Variants in CD84 observed in about 807,000 individuals in gnomAD.
The protein encoded by CD84 is SLAM family member 5.
Under a neutral mutation model 33.8 loss-of-function variants are expected in CD84, and 22 were observed. The ratio of observed to expected loss-of-function variants is 0.65; its 90% confidence interval spans 0.46 to 0.93. CD84 has a LOEUF of 0.93. Among genes scored for constraint, CD84 ranks in the 40% least tolerant of loss-of-function variants. CD84 has a pLI of 0.00. For missense variants in CD84, 400 were observed against 397.6 expected (o/e 1.01, Z -0.05); for synonymous variants, 154 against 145.2 (o/e 1.06, Z -0.44).
chr1:160,553,809 C>G, intron 3 of CD84, 86 bp downstream of exon 3: 1 of 1,594,716 alleles, frequency 6.3e-7, no homozygotes, highest in South Asian at 1.1e-5. Context: ...GCACATCTCC[C>G]TAGAGAATGT....
In CD84 at chr1:160,544,078, C is replaced by T. The variant is rs186039356; in HGVS notation, c.*4178G>A. 4.0e-4 allele frequency: 61 copies of T among 151,952 alleles called. No homozygotes were observed. The highest frequency in any genetic ancestry group is 3.4e-3 in the Middle Eastern group (1 of 292). 9.4% of individuals were successfully genotyped at this position (151,952 alleles called of 1,614,324 possible). ...AGAAACCAGGATGCAGACCCAGGCA[C>T]TCTACTGTCAGAGCCCACATTTATG... On this transcript the variant is annotated 3_prime_UTR_variant, in exon 7 of 7. Transcript: ENST00000368054.
Position 160,547,423 on chromosome 1 carries a change from G to A in CD84, c.*833C>T. The stretch of plus-strand genomic sequence containing the variant: ...GTGATACAGAAGGAAATCTTGGCCA[G>A]AAAGAAAATCCTATAAGGCTTCTGA... On this transcript the variant is annotated 3_prime_UTR_variant, in exon 7 of 7. Coordinates refer to ENST00000368054, the MANE Select transcript of CD84 (RefSeq NM_003874.4). 1 of 384,206 alleles carries A rather than the reference G, an allele frequency of 2.6e-6. No homozygotes were observed. Among genetic ancestry groups the A allele is most frequent in the Non-Finnish European group, 4.6e-6 (1 of 217,610 alleles). 23.8% of individuals were successfully genotyped at this position (384,206 alleles called of 1,614,324 possible).
At position 160,543,857 on chromosome 1, in the gene CD84, G is replaced by A. The variant is rs931625405; in HGVS notation, c.*4399C>T. The stretch of plus-strand genomic sequence containing the variant: ...TCATGAATTTAGATTAGCATCTTCT[G>A]AAGATTTCAGGCCTAGAACAGCTTA... On this transcript the variant is annotated 3_prime_UTR_variant, in exon 7 of 7. Coordinates refer to ENST00000368054, the MANE Select transcript of CD84 (RefSeq NM_003874.4). The A allele has an allele frequency of 4.6e-5, 7 of 152,086 alleles. No homozygotes were observed. Among genetic ancestry groups the A allele is most frequent in the Non-Finnish European group, 4.4e-5 (3 of 68,020 alleles). 9.4% of individuals were successfully genotyped at this position (152,086 alleles called of 1,614,324 possible). A position where few individuals can be genotyped will look rare whatever the true frequency, so the allele number is the denominator to read the frequency against.
At chr1:160,574,891 C>T (rs1657902844) in intron 1 of CD84, among the ~76,000 whole-genome samples, 1 of 152,056 alleles carries the variant, frequency 6.6e-6, no homozygotes, top group East Asian at 1.9e-4. Flanking sequence ...ATATACTAGG[C>T]ACTATATATG....
chr1:160,578,330 C>T (rs987832305), intron 1 of CD84, among the ~76,000 whole-genome samples: 2 of 152,170 alleles, frequency 1.3e-5, no homozygotes, highest in South Asian at 2.1e-4. Context: ...TACCATTCCT[C>T]ATCTACTTGC....
In CD84 at chr1:160,565,666, A is replaced by G; in HGVS notation, c.126T>C (p.Asn42=). Residue 42 remains asparagine, a synonymous_variant, in exon 2 of 7, where the codon AAT becomes AAC. Coordinates refer to ENST00000368054, the MANE Select transcript of CD84 (RefSeq NM_003874.4). Reference sequence around the variant, plus strand: ...TTTTAACTTGCCGTGGTTCTTGGATATTTACAGGGAAAGTGACTGACTCTC... The same window carrying G: ...TTTTAACTTGCCGTGGTTCTTGGATGTTTACAGGGAAAGTGACTGACTCTC... ...ILGESVTFPV[N]IQEPRQVKII... is the part of the protein sequence containing the mutation. 5 of 1,613,842 alleles carry G rather than the reference A, an allele frequency of 3.1e-6. No homozygotes were observed. Among genetic ancestry groups the G allele is most frequent in the Non-Finnish European group, 4.2e-6 (5 of 1,179,868 alleles).
At chr1:160,550,915 G>A (rs944541597) in intron 5 of CD84, 23 bp downstream of exon 5, 11 of 1,609,022 alleles carry the variant, frequency 6.8e-6, no homozygotes, top group Non-Finnish European at 9.4e-6. Context: ...GCACAGGGGT[G>A]TCCATGAATT....
chr1:160,550,793 C>G, intron 5 of CD84, 145 bp downstream of exon 5: 1 of 1,512,176 alleles, frequency 6.6e-7, no homozygotes, highest in Non-Finnish European at 8.8e-7. Context: ...GCATCACTTC[C>G]CTGACATGGT....
chr1:160,577,775 G>C (rs1052239198), intron 1 of CD84, among the ~76,000 whole-genome samples: 1 of 152,096 alleles, frequency 6.6e-6, no homozygotes, highest in Non-Finnish European at 1.5e-5. Context: ...TCATCATTTT[G>C]ATTCTCAAAA....
chr1:160,562,510 C>T (rs1657048393), intron 2 of CD84, among the ~76,000 whole-genome samples: 1 of 152,148 alleles, frequency 6.6e-6, no homozygotes. Context: ...GGAGAACTGG[C>T]TAGCCACATG....
rs547247275 is a variant in CD84, at chr1:160,550,653, C to T, written c.858+285G>A. The T allele has an allele frequency of 1.1e-3, 1,058 of 985,254 alleles. 1 individual carries two copies. The highest frequency in any genetic ancestry group is 1.2e-3 in the Non-Finnish European group (1,010 of 829,934). 61.0% of individuals were successfully genotyped at this position (985,254 alleles called of 1,614,324 possible). ...TCTGTTGTGTGGCCCCTCTAGGGGG[C>T]GCCTTGCTCCTAGTCATGGCTCATC... On this transcript the variant is annotated intron_variant, in intron 5 of 6. Transcript: ENST00000368054.
chr1:160,573,715 T>C (rs191030978), intron 1 of CD84, among the ~76,000 whole-genome samples: 71 of 152,300 alleles, frequency 4.7e-4, no homozygotes, highest in Non-Finnish European at 7.2e-4. Flanking sequence ...ACTGCAGTTA[T>C]CACCACTAAA....
intron 1 of CD84, 144 bp from the exon 2 acceptor site, chr1:160,565,889 A>T (rs1199131295): frequency 8.4e-5 from 52 of 619,998 alleles, no homozygotes; most frequent in Non-Finnish European, 1.3e-4. Flanking sequence ...TTTTTTTGGC[A>T]TTCTACTCTA....
chr1:160,568,372 G>C (rs940587096), intron 1 of CD84, among the ~76,000 whole-genome samples: 2 of 152,084 alleles, frequency 1.3e-5, no homozygotes, highest in Non-Finnish European at 2.9e-5. Context: ...AGGCAAAGCT[G>C]GGGGAAGCTG....
intron 1 of CD84, among the ~76,000 whole-genome samples, chr1:160,569,819 T>C (rs770029618): frequency 2.0e-5 from 3 of 152,120 alleles, no homozygotes; most frequent in Non-Finnish European, 4.4e-5. Flanking sequence ...GTGATGTTAA[T>C]TGGATGAATA....
chr1:160,554,336 T>C (rs1656460611), intron 2 of CD84, among the ~76,000 whole-genome samples, 190 bp from the exon 3 acceptor site: 1 of 152,244 alleles, frequency 6.6e-6, no homozygotes, highest in Non-Finnish European at 1.5e-5. Flanking sequence ...TAATCCTTTT[T>C]TTGACATTTT....
rs1557960435 is a variant in CD84 at position 160,541,566 on chromosome 1, AG to A, written c.*6689del. On this transcript the variant is annotated 3_prime_UTR_variant, in exon 7 of 7. Coordinates refer to ENST00000368054, the MANE Select transcript of CD84 (RefSeq NM_003874.4). ...GGCAATATATTTCGCTTTGGACGGG[AG>A]GTTTTAGAAGGCCGCACAAGAGGGA... The A allele has an allele frequency of 6.6e-6, 1 of 152,118 alleles. No individual in the cohort carries two copies. Among genetic ancestry groups the A allele is most frequent in the Non-Finnish European group, 1.5e-5 (1 of 68,034 alleles). 9.4% of individuals were successfully genotyped at this position (152,118 alleles called of 1,614,324 possible).
intron 2 of CD84, among the ~76,000 whole-genome samples, chr1:160,563,506 GAAC>G (rs1470101853): frequency 1.3e-5 from 2 of 152,058 alleles, no homozygotes; most frequent in Admixed American, 6.6e-5. Context: ...ACAGAAAACC[GAAC>G]ACCACATGTT....
In CD84 at chr1:160,565,806, C is replaced by A. The variant is rs3796501; in HGVS notation, c.47-61G>T. 9.2e-4 allele frequency: 1,307 copies of A among 1,413,944 alleles called. 28 individuals are homozygous for A. The East Asian group carries it at 0.029, about 32-fold the overall frequency. 87.6% of individuals were successfully genotyped at this position (1,413,944 alleles called of 1,614,324 possible). On this transcript the variant is annotated intron_variant, in intron 1 of 6. Transcript: ENST00000368054. Reference sequence around the variant, plus strand: ...TGTTGCAGCTTTTTCACTTCCTAATCTTTTTGGCCTTGGAGCTCCCTGAGG... The same window carrying A: ...TGTTGCAGCTTTTTCACTTCCTAATATTTTTGGCCTTGGAGCTCCCTGAGG...
Sources: gnomAD v4.1 joint callset for allele counts (sites outside exome capture counted in the v4.1 genomes callset) on GRCh38, gnomAD v4.1.1 for gene constraint, MANE v1.5 for transcripts, NCBI Gene and HGNC (gene_info 2026-07-23, HGNC 2026-07-21) for gene names.